The following KCNK1 variants were observed in gnomAD, a reference collection of about 807,000 sequenced individuals.
KCNK1 encodes potassium channel subfamily K member 1.
A neutral mutation model predicts 22.2 loss-of-function variants in KCNK1; 10 were observed. The ratio of observed to expected loss-of-function variants is 0.45; its 90% CI spans 0.28 to 0.76. The LOEUF is 0.76. Ranked by LOEUF, KCNK1 falls within the 30% of genes least tolerant of loss-of-function variation. The probability of loss-of-function intolerance (pLI) is 0.14; values close to 1 mark genes in which losing one functional copy is unlikely to be tolerated. For synonymous variants in KCNK1, 200 were observed against 186.4 expected (o/e 1.07, Z -0.60); for missense variants, 378 against 421.0 (o/e 0.90, Z 0.89).
At chr1:233,648,248 C>G (rs917938929) in intron 1 of KCNK1, among the ~76,000 whole-genome samples, 4 of 152,064 alleles carry the variant, frequency 2.6e-5, no homozygotes, top group African/African-American at 7.2e-5. Context: ...TGAGGTTGTC[C>G]AAATGAAAAA....
chr1:233,638,319 T>G (rs12091436), intron 1 of KCNK1, among the ~76,000 whole-genome samples: 2,619 of 152,130 alleles, frequency 0.017, 48 homozygotes, highest in African/African-American at 0.051. Context: ...AAATAATTAA[T>G]TTTTTAAAAT....
Position 233,614,252 on chromosome 1 carries a change from G to A in KCNK1, c.81G>A (p.Val27=), listed in dbSNP as rs527811312. 5.7e-5 allele frequency: 92 copies of A among 1,613,198 alleles called. 1 individual carries two copies. In the South Asian group the frequency reaches 1.0e-3, roughly 18 times the overall value. ...CGGCCTGGTGCTTCGGCTTCCTGGTGCTGGGCTACTTGCTCTACCTGGTCT... is the reference window on the plus strand; with the variant it reads ...CGGCCTGGTGCTTCGGCTTCCTGGTACTGGGCTACTTGCTCTACCTGGTCT... ...HRSAWCFGFL[V]LGYLLYLVFG... is the part of the protein sequence containing the mutation. The change falls in exon 1 of 3, where the codon GTG becomes GTA. Residue 27 remains valine (V), a synonymous_variant. Coordinates refer to ENST00000366621, the MANE Select transcript of KCNK1 (RefSeq NM_002245.4).
In KCNK1 at chr1:233,666,864, G is replaced by C. The variant is rs185527931; in HGVS notation, c.625G>C (p.Asp209His). The change falls in exon 2 of 3, where the codon GAC becomes CAC. Residue 209 changes from aspartate to histidine, a missense_variant. Physicochemically the swap from Asp to His is moderately conservative, Grantham distance 81. Coordinates refer to ENST00000366621, the MANE Select transcript of KCNK1 (RefSeq NM_002245.4). The stretch of plus-strand genomic sequence containing the variant: ...CGCTGTCTTCTCAGTCCTGGAGGAT[G>C]ACTGGAACTTCCTGGAATCCTTTTA... ...PAAVFSVLED[D>H]WNFLESFYFC... 3 of 1,614,142 alleles carry C rather than the reference G, an allele frequency of 1.9e-6. No homozygotes were observed. The highest frequency in any genetic ancestry group is 2.5e-6 in the Non-Finnish European group (3 of 1,180,024).
chr1:233,655,066 CT>C (rs1658265982), intron 1 of KCNK1, among the ~76,000 whole-genome samples: 1 of 152,200 alleles, frequency 6.6e-6, no homozygotes, highest in Non-Finnish European at 1.5e-5. Flanking sequence ...ACAGAGCAAC[CT>C]TTGGGGAGGG....
chr1:233,645,886 G>A (rs1177101470), intron 1 of KCNK1, among the ~76,000 whole-genome samples: 1 of 152,160 alleles, frequency 6.6e-6, no homozygotes. Flanking sequence ...AACAGGATGT[G>A]CTGATAGATT....
intron 1 of KCNK1, among the ~76,000 whole-genome samples, chr1:233,637,599 C>T (rs377733915): frequency 2.0e-5 from 3 of 152,178 alleles, no homozygotes; most frequent in East Asian, 1.9e-4. Flanking sequence ...TTCTTAAAGA[C>T]GGAATGACCA....
At chr1:233,628,641 T>A (rs1657734021) in intron 1 of KCNK1, among the ~76,000 whole-genome samples, 1 of 152,006 alleles carries the variant, frequency 6.6e-6, no homozygotes, top group Non-Finnish European at 1.5e-5. Flanking sequence ...GTGCCTGTAA[T>A]CCCAGCTACT....
intron 1 of KCNK1, among the ~76,000 whole-genome samples, chr1:233,622,486 C>T (rs1657606783): frequency 6.6e-6 from 1 of 152,186 alleles, no homozygotes; most frequent in Admixed American, 6.5e-5. Context: ...GTTTTATTGA[C>T]TCCTGTGATA....
intron 1 of KCNK1, among the ~76,000 whole-genome samples, chr1:233,615,574 C>T (rs994295764): frequency 1.3e-5 from 2 of 152,214 alleles, no homozygotes; most frequent in African/African-American, 2.4e-5. Flanking sequence ...AATAATCCAT[C>T]TCGTCATGCA....
intron 1 of KCNK1, among the ~76,000 whole-genome samples, chr1:233,663,615 CA>C (rs1227426712): frequency 1.3e-5 from 2 of 151,808 alleles, no homozygotes; most frequent in South Asian, 2.1e-4. Context: ...AAAAGGCTAC[CA>C]AAAAAAGTAA....
At chr1:233,645,713 A>G (rs1300080526) in intron 1 of KCNK1, among the ~76,000 whole-genome samples, 1 of 152,232 alleles carries the variant, frequency 6.6e-6, no homozygotes, top group Non-Finnish European at 1.5e-5. Context: ...AACGAATACC[A>G]GTGTCTCATA....
chr1:233,624,883 CAG>C (rs1159563415), intron 1 of KCNK1, among the ~76,000 whole-genome samples: 1 of 152,132 alleles, frequency 6.6e-6, no homozygotes, highest in Non-Finnish European at 1.5e-5. Context: ...AGGGATATGT[CAG>C]GGAACAAAAC....
chr1:233,649,812 G>A (rs1203616861), intron 1 of KCNK1: 2 of 380,886 alleles, frequency 5.3e-6, no homozygotes, highest in Non-Finnish European at 5.4e-6. Context: ...TCTGGAAGTT[G>A]GGGGAACACA....
intron 1 of KCNK1, among the ~76,000 whole-genome samples, chr1:233,636,107 C>G (rs1052212403): frequency 6.6e-5 from 10 of 152,206 alleles, no homozygotes; most frequent in African/African-American, 2.2e-4. Context: ...AGTGGGGAGT[C>G]GTAGCAGATG....
intron 1 of KCNK1, among the ~76,000 whole-genome samples, chr1:233,645,162 C>G (rs1386614804): frequency 6.6e-6 from 1 of 151,012 alleles, no homozygotes; most frequent in Non-Finnish European, 1.5e-5. Context: ...CCACTGCACT[C>G]CAGCCTGGGT....
chr1:233,638,948 A>G (rs1657958861), intron 1 of KCNK1, among the ~76,000 whole-genome samples: 1 of 152,226 alleles, frequency 6.6e-6, no homozygotes, highest in Admixed American at 6.5e-5. Flanking sequence ...CAAAAAAATA[A>G]CACTCACTGT....
chr1:233,669,754 C>A (rs1472796264), intron 2 of KCNK1, among the ~76,000 whole-genome samples: 2 of 152,040 alleles, frequency 1.3e-5, no homozygotes, highest in Admixed American at 6.6e-5. Context: ...CAACATCATG[C>A]CACTGTACTT....
intron 1 of KCNK1, among the ~76,000 whole-genome samples, chr1:233,649,573 G>A (rs1274194486): frequency 6.6e-6 from 1 of 152,166 alleles, no homozygotes; most frequent in Non-Finnish European, 1.5e-5. Context: ...CTGGAGGCTG[G>A]GAAGTCCAAG....
At chr1:233,642,822 G>A (rs1439730215) in intron 1 of KCNK1, among the ~76,000 whole-genome samples, 1 of 151,662 alleles carries the variant, frequency 6.6e-6, no homozygotes, top group Non-Finnish European at 1.5e-5. Context: ...AGGCTGGAGT[G>A]CAGTGGCGTG....
Sources: allele counts gnomAD v4.1 joint callset (sites outside exome capture counted in the v4.1 genomes callset), GRCh38; gene constraint gnomAD v4.1.1; transcripts MANE v1.5; gene names NCBI Gene and HGNC (gene_info 2026-07-23, HGNC 2026-07-21).